Variants in ACY3 observed in about 807,000 individuals in gnomAD.
The protein encoded by ACY3 is N-acyl-aromatic-L-amino acid amidohydrolase (carboxylate-forming).
A neutral mutation model predicts 24.6 loss-of-function variants in ACY3; 20 were observed. The observed-to-expected ratio is 0.81, with a 90% CI of 0.57 to 1.18. The LOEUF (loss-of-function observed/expected upper bound fraction) is 1.18, where lower values mean the gene tolerates loss of function less well. ACY3 is among the 50% of genes most tolerant of loss of function. The probability of loss-of-function intolerance (pLI) is 0.00; values close to 1 mark genes in which losing one functional copy is unlikely to be tolerated. For synonymous variants in ACY3, 174 were observed against 188.4 expected (o/e 0.92, Z 0.62); for missense variants, 423 against 426.8 (o/e 0.99, Z 0.08).
intron 1 of ACY3, among the ~76,000 whole-genome samples, chr11:67,648,540 C>T (rs140922675): frequency 1.4e-3 from 217 of 152,292 alleles, no homozygotes; most frequent in African/African-American, 4.7e-3. Context: ...CCGCCAGGGC[C>T]TGCTGGATGC....
intron 7 of ACY3, among the ~76,000 whole-genome samples, chr11:67,643,239 A>C (rs903953270): frequency 2.0e-5 from 3 of 152,284 alleles, no homozygotes; most frequent in Non-Finnish European, 4.4e-5. Context: ...AACTGTGAGC[A>C]AGTCACTTAA....
At chr11:67,643,154 G>T (rs1855440996) in intron 7 of ACY3, among the ~76,000 whole-genome samples, 1 of 152,242 alleles carries the variant, frequency 6.6e-6, no homozygotes, top group Non-Finnish European at 1.5e-5. Flanking sequence ...GGTGGCATGT[G>T]CCCATGTGGA....
At chr11:67,643,043 C>T in intron 7 of ACY3, 104 bp from the exon 8 acceptor site, 1 of 968,514 alleles carries the variant, frequency 1.0e-6, no homozygotes. Context: ...TCATTCATGG[C>T]TTTTCCCACC....
rs375017106 is a variant in ACY3, at chr11:67,645,722, G to T, written c.402C>A (p.Val134=). 6 of 1,611,678 alleles carry T rather than the reference G, an allele frequency of 3.7e-6. No individual in the cohort carries two copies. The highest frequency in any genetic ancestry group is 3.4e-6 in the Non-Finnish European group (4 of 1,179,200). The part of the protein sequence containing the change: ...TCLIAKSSHE[V]FAMHLCRHLQ... Reference sequence around the variant, plus strand: ...GATGGCGGCACAGGTGCATGGCAAAGACTTCGTGGGAGGACTTCGCGATTA... The same window carrying T: ...GATGGCGGCACAGGTGCATGGCAAATACTTCGTGGGAGGACTTCGCGATTA... Residue 134 remains valine, a synonymous_variant, in exon 4 of 8, where the codon GTC becomes GTA. Transcript: ENST00000255082.
At chr11:67,645,605 A>G (rs1855500176) in intron 4 of ACY3, 87 bp downstream of exon 4, 2 of 1,470,428 alleles carry the variant, frequency 1.4e-6, no homozygotes, top group African/African-American at 1.4e-5. Flanking sequence ...AAGAGGGGCT[A>G]AGCAAAGGAG....
chr11:67,649,688 CATGTGTGCATGT>C (rs1855584331), intron 1 of ACY3, among the ~76,000 whole-genome samples: 1 of 146,690 alleles, frequency 6.8e-6, no homozygotes, highest in African/African-American at 2.6e-5. Flanking sequence ...GTATTGTGTG[CATGTGTGCATGT>C]ATGTGTACAT....
chr11:67,644,900 C>A, intron 6 of ACY3, 31 bp from the exon 7 acceptor site: 1 of 1,604,592 alleles, frequency 6.2e-7, no homozygotes, highest in Non-Finnish European at 8.5e-7. Flanking sequence ...GTGAGCCCAT[C>A]CCTCCCTCCA....
intron 1 of ACY3, among the ~76,000 whole-genome samples, chr11:67,648,009 C>G (rs908655800): frequency 6.6e-6 from 1 of 152,234 alleles, no homozygotes; most frequent in Non-Finnish European, 1.5e-5. Context: ...GCTGTGGTCA[C>G]TCCTGAGTCG....
At chr11:67,645,645 C>G in intron 4 of ACY3, 47 bp downstream of exon 4, 1 of 1,541,822 alleles carries the variant, frequency 6.5e-7, no homozygotes, top group Non-Finnish European at 8.7e-7. Flanking sequence ...TGCCCTCCCT[C>G]CCTCCCACTC....
intron 1 of ACY3, among the ~76,000 whole-genome samples, chr11:67,647,840 A>T (rs1855547729): frequency 6.6e-6 from 1 of 152,160 alleles, no homozygotes; most frequent in African/African-American, 2.4e-5. Flanking sequence ...CACTACTAAG[A>T]GGTACACCCG....
chr11:67,644,184 A>T (rs1855463191), intron 7 of ACY3, among the ~76,000 whole-genome samples: 1 of 151,882 alleles, frequency 6.6e-6, no homozygotes, highest in East Asian at 1.9e-4. Context: ...ACTTCAGGGC[A>T]CAAAAGGCCA....
chr11:67,648,617 C>T (rs1006514210), intron 1 of ACY3, among the ~76,000 whole-genome samples: 4 of 152,188 alleles, frequency 2.6e-5, no homozygotes, highest in African/African-American at 9.7e-5. Context: ...TACCACCACA[C>T]TGGGTCTCCC....
chr11:67,642,574 A>T lies in ACY3; in HGVS notation c.*150T>A. 2.7e-6 allele frequency: 2 copies of T among 749,130 alleles called. No homozygotes were observed. Among genetic ancestry groups the T allele is most frequent in the Non-Finnish European group, 2.3e-6 (1 of 440,868 alleles). 46.4% of individuals were successfully genotyped at this position (749,130 alleles called of 1,614,324 possible). On this transcript the variant is annotated 3_prime_UTR_variant, in exon 8 of 8. Coordinates refer to ENST00000255082, the MANE Select transcript of ACY3 (RefSeq NM_080658.2). ...TGGACCTCTGGACATCTTCCATTTT[A>T]TAGAAAGGGAAATTGAGGCCAGGGG...
rs1360105279 is a variant in ACY3 at position 67,648,677 on chromosome 11, C to A, written c.-94-1088G>T. On this transcript the variant is annotated intron_variant, in intron 1 of 7. Coordinates refer to ENST00000255082, the MANE Select transcript of ACY3 (RefSeq NM_080658.2). ...ATGCCAGGCCCACCAGCCTGGGGGG[C>A]TCTGGGTGGCCAGGACCCTCTAAGT... 2.0e-5 allele frequency among the ~76,000 whole-genome samples: 3 copies of A among 152,080 alleles called. No homozygotes were observed. The East Asian group carries it at 5.8e-4, about 29-fold the overall frequency.
chr11:67,650,050 T>C (rs1226578759), intron 1 of ACY3, among the ~76,000 whole-genome samples: 1 of 152,170 alleles, frequency 6.6e-6, no homozygotes, highest in Non-Finnish European at 1.5e-5. Flanking sequence ...CCTGTGAAAG[T>C]CCTGGCCAAG....
chr11:67,646,947 G>T lies in ACY3; in HGVS notation c.97C>A (p.His33Asn), dbSNP rs1439234218. 6.3e-6 allele frequency: 10 copies of T among 1,597,772 alleles called. No homozygotes were observed. In the East Asian group the frequency reaches 2.0e-4, roughly 33 times the overall value. ...AGCTCTGCGGGGGCATGCAGCCAGT[G>T]CCGGGCCAGGTAGACGCCCGACATC... is the stretch of plus-strand genomic sequence containing the variant. ...NEMSGVYLARHWLHAPAELQR... is the reference protein window; with the variant it reads ...NEMSGVYLARNWLHAPAELQR... The change falls in exon 3 of 8, where the codon CAC becomes AAC. Residue 33 changes from histidine to asparagine, a missense_variant. By Grantham distance (68) the His-to-Asn change is moderately conservative. Coordinates refer to ENST00000255082, the MANE Select transcript of ACY3 (RefSeq NM_080658.2).
At position 67,645,743 on chromosome 11, in the gene ACY3, G is replaced by C; in HGVS notation, c.381C>G (p.Ile127Met). 3 of 1,613,564 alleles carry C rather than the reference G, an allele frequency of 1.9e-6. No homozygotes were observed. Among genetic ancestry groups the C allele is most frequent in the Non-Finnish European group, 2.5e-6 (3 of 1,179,900 alleles). The change falls in exon 4 of 8, where the codon ATC becomes ATG. Residue 127 changes from isoleucine to methionine, a missense_variant. Physicochemically the swap from Ile to Met is conservative, Grantham distance 10. Transcript: ENST00000255082. The part of the protein sequence containing the change: ...NTTANMGTCL[I>M]AKSSHEVFAM... ...CAAAGACTTCGTGGGAGGACTTCGC[G>C]ATTAAGCAGGTGCCCATGTTGGCCG...
At position 67,645,725 on chromosome 11, in the gene ACY3, T is replaced by C. The variant is rs749041844; in HGVS notation, c.399A>G (p.Glu133=). The C allele has an allele frequency of 9.3e-6, 15 of 1,611,960 alleles. No individual in the cohort carries two copies. The highest frequency in any genetic ancestry group is 1.3e-5 in the Non-Finnish European group (15 of 1,179,380). Residue 133 remains glutamate, a synonymous_variant, in exon 4 of 8, where the codon GAA becomes GAG. Transcript: ENST00000255082. ...GTCLIAKSSH[E]VFAMHLCRHL... ...GGCGGCACAGGTGCATGGCAAAGAC[T>C]TCGTGGGAGGACTTCGCGATTAAGC...
chr11:67,642,790 A>AG lies in ACY3; in HGVS notation c.893dup (p.Glu299Ter), dbSNP rs868390081. 5.6e-6 allele frequency: 9 copies of AG among 1,614,122 alleles called. No individual in the cohort carries two copies. The highest frequency in any genetic ancestry group is 7.6e-6 in the Non-Finnish European group (9 of 1,180,038). On this transcript the variant is annotated frameshift_variant, in exon 8 of 8. Transcript: ENST00000255082. LOFTEE classifies it low-confidence loss of function (END_TRUNC). ...CAGGCACGGTGAATGTGAACTTCTC[A>AG]GTCTGGACAAAGGCAACGCCCTTCT...
Sources: gnomAD v4.1 joint callset for allele counts (sites outside exome capture counted in the v4.1 genomes callset) on GRCh38, gnomAD v4.1.1 for gene constraint, MANE v1.5 for transcripts, NCBI Gene and HGNC (gene_info 2026-07-23, HGNC 2026-07-21) for gene names.